The following ZYG11A variants were observed in gnomAD, a reference collection of about 807,000 sequenced individuals.
ZYG11A encodes zyg-11 family member A, cell cycle regulator, also known as protein zyg-11 homolog A.
In ZYG11A, 62 loss-of-function variants were observed where a neutral mutation model predicts 77.2. The ratio of observed to expected loss-of-function variants is 0.80; its 90% CI spans 0.65 to 0.99. ZYG11A has a LOEUF of 0.99. Among genes scored for constraint, ZYG11A ranks in the 50% least tolerant of loss-of-function variants. ZYG11A has a pLI of 0.00. For missense variants in ZYG11A, 828 were observed against 896.8 expected (o/e 0.92, Z 0.98); for synonymous variants, 315 against 324.6 (o/e 0.97, Z 0.32).
chr1:52,852,280 C>T (rs1300191278), intron 1 of ZYG11A, among the ~76,000 whole-genome samples: 1 of 151,952 alleles, frequency 6.6e-6, no homozygotes. Flanking sequence ...AACTCCTGAC[C>T]TCATGATCCA....
In ZYG11A at chr1:52,870,359, C is replaced by T. The variant is rs185850101; in HGVS notation, c.1542+2582C>T. 2.3e-3 allele frequency among the ~76,000 whole-genome samples: 350 copies of T among 151,306 alleles called. 2 individuals carry two copies. Among genetic ancestry groups the T allele is most frequent in the African/African-American group, 7.8e-3 (322 of 41,198 alleles). ...AGACAGGATGGTGGCCGGGCAGAGA[C>T]GCTCCTCACTTTCCAGACTGGGCAG... On this transcript the variant is annotated intron_variant, in intron 8 of 13. Transcript: ENST00000371528.
At chr1:52,845,785 C>T (rs190383477) in intron 1 of ZYG11A, among the ~76,000 whole-genome samples, 23 of 151,948 alleles carry the variant, frequency 1.5e-4, no homozygotes, top group African/African-American at 5.3e-4. Flanking sequence ...ATAGCTCATC[C>T]TCCCTCCTCA....
intron 13 of ZYG11A, among the ~76,000 whole-genome samples, chr1:52,887,267 A>G (rs867864406): frequency 1.7e-4 from 26 of 152,192 alleles, no homozygotes; most frequent in African/African-American, 6.3e-4. Flanking sequence ...AATAAAAAGT[A>G]AAAGTTTGCT....
intron 1 of ZYG11A, among the ~76,000 whole-genome samples, chr1:52,848,811 G>A (rs531406382): frequency 6.6e-6 from 1 of 152,232 alleles, no homozygotes; most frequent in Admixed American, 6.5e-5. Flanking sequence ...AGGTTGCAGT[G>A]AGCCGAGATC....
chr1:52,857,050 G>C lies in ZYG11A; in HGVS notation c.309G>C (p.Leu103=). 1 of 1,550,056 alleles carries C rather than the reference G, an allele frequency of 6.5e-7. No homozygotes were observed. Residue 103 remains leucine, a synonymous_variant, in exon 3 of 14, where the codon CTG becomes CTC. Coordinates refer to ENST00000371528, the MANE Select transcript of ZYG11A (RefSeq NM_001004339.3). ...TTTTCCGAGGCAACCAAATGAAACTGAAGCTGGTCAATATCCAAAAAGCTA... is the reference window on the plus strand; with the variant it reads ...TTTTCCGAGGCAACCAAATGAAACTCAAGCTGGTCAATATCCAAAAAGCTA... ...ASIFRGNQMK[L]KLVNIQKAKI... is the part of the protein sequence containing the mutation.
At chr1:52,891,800 A>G (rs1372191160) in intron 13 of ZYG11A, among the ~76,000 whole-genome samples, 6 of 151,972 alleles carry the variant, frequency 3.9e-5, no homozygotes, top group African/African-American at 1.2e-4. Flanking sequence ...GTTAGCTTAC[A>G]CTAGCTGAAG....
intron 8 of ZYG11A, among the ~76,000 whole-genome samples, chr1:52,871,988 G>A (rs1249699645): frequency 6.6e-6 from 1 of 152,132 alleles, no homozygotes; most frequent in Non-Finnish European, 1.5e-5. Flanking sequence ...ATGCTTATGA[G>A]TATTTAATAT....
At chr1:52,879,358 A>T (rs1646321640) in intron 10 of ZYG11A, among the ~76,000 whole-genome samples, 1 of 152,210 alleles carries the variant, frequency 6.6e-6, no homozygotes, top group Non-Finnish European at 1.5e-5. Flanking sequence ...CACTGAGTCC[A>T]TTGGGACCCT....
Position 52,882,324 on chromosome 1 carries a change from A to G in ZYG11A, c.1944+659A>G, listed in dbSNP as rs1044725577. On this transcript the variant is annotated intron_variant, in intron 11 of 13. Coordinates refer to ENST00000371528, the MANE Select transcript of ZYG11A (RefSeq NM_001004339.3). ...CACTGTTTCTATGCACAGCCTTTCT[A>G]AGTGTATACTCAAGGTATAAATCTT... Among the ~76,000 whole-genome samples, 3 of 152,182 alleles carry G rather than the reference A, an allele frequency of 2.0e-5. No homozygotes were observed. In the South Asian group the frequency reaches 6.2e-4, roughly 31 times the overall value.
At chr1:52,888,578 G>A (rs755275588) in intron 13 of ZYG11A, among the ~76,000 whole-genome samples, 2 of 152,248 alleles carry the variant, frequency 1.3e-5, no homozygotes, top group African/African-American at 2.4e-5. Context: ...GGCTGGTCTC[G>A]AACTTGTGAC....
chr1:52,884,934 C>T (rs1004194658), intron 11 of ZYG11A, among the ~76,000 whole-genome samples: 4 of 151,686 alleles, frequency 2.6e-5, no homozygotes, highest in African/African-American at 4.8e-5. Context: ...GATGGAGTCT[C>T]GCTCTGTTGT....
Position 52,893,566 on chromosome 1 carries a change from A to G in ZYG11A, c.*609A>G, listed in dbSNP as rs2150027105. On this transcript the variant is annotated 3_prime_UTR_variant, in exon 14 of 14. Transcript: ENST00000371528. ...GATTGTCTGAACTCAGGAGTTCGAG[A>G]TCAGCCTTGCCAACGTGGTAAAACT... 6.6e-6 allele frequency: 1 copy of G among 152,370 alleles called. No homozygotes were observed. The highest frequency in any genetic ancestry group is 6.5e-5 in the Admixed American group (1 of 15,290). 9.4% of individuals were successfully genotyped at this position (152,370 alleles called of 1,614,324 possible).
At chr1:52,852,611 G>A (rs372654470) in intron 1 of ZYG11A, among the ~76,000 whole-genome samples, 23 of 152,160 alleles carry the variant, frequency 1.5e-4, no homozygotes, top group African/African-American at 5.3e-4. Flanking sequence ...TGATCCACCC[G>A]CCTTGGCCTC....
At chr1:52,847,015 T>G (rs1333221177) in intron 1 of ZYG11A, among the ~76,000 whole-genome samples, 1 of 151,838 alleles carries the variant, frequency 6.6e-6, no homozygotes, top group African/African-American at 2.4e-5. Flanking sequence ...GCCTGGCTAA[T>G]TTTTGTATTT....
intron 1 of ZYG11A, among the ~76,000 whole-genome samples, chr1:52,853,319 T>G (rs1645748891): frequency 6.6e-6 from 1 of 152,242 alleles, no homozygotes; most frequent in Admixed American, 6.5e-5. Context: ...GTACATGCCT[T>G]TATAGCCTCA....
At chr1:52,860,661 C>T (rs1158237304) in intron 3 of ZYG11A, 70 bp from the exon 4 acceptor site, 2 of 1,510,068 alleles carry the variant, frequency 1.3e-6, no homozygotes, top group East Asian at 4.9e-5. Context: ...CCCCAAAAAC[C>T]CTGTGGTTAA....
At chr1:52,888,970 TCATA>T (rs1294623259) in intron 13 of ZYG11A, among the ~76,000 whole-genome samples, 1 of 152,124 alleles carries the variant, frequency 6.6e-6, no homozygotes, top group African/African-American at 2.4e-5. Context: ...TGAAACAGAC[TCATA>T]CAGTTATAAC....
chr1:52,855,746 C>T (rs1043762405), intron 2 of ZYG11A, among the ~76,000 whole-genome samples: 2 of 152,096 alleles, frequency 1.3e-5, no homozygotes, highest in Admixed American at 6.6e-5. Flanking sequence ...TGTACTCGTT[C>T]CTTTTTATAG....
intron 1 of ZYG11A, among the ~76,000 whole-genome samples, chr1:52,851,904 T>C (rs984520219): frequency 1.1e-4 from 17 of 148,744 alleles, no homozygotes; most frequent in Non-Finnish European, 1.6e-4. Context: ...CCCGCCACCA[T>C]GCCTTCCTAA....
Sources: allele counts gnomAD v4.1 joint callset (sites outside exome capture counted in the v4.1 genomes callset), GRCh38; gene constraint gnomAD v4.1.1; transcripts MANE v1.5; gene names NCBI Gene and HGNC (gene_info 2026-07-23, HGNC 2026-07-21).